Variants in DIP2C observed in about 807,000 individuals in gnomAD.
DIP2C encodes disco-interacting protein 2 homolog C.
DIP2C carries 33 observed loss-of-function variants against 192.4 expected under a neutral mutation model. The ratio of observed to expected loss-of-function variants is 0.17; its 90% confidence interval spans 0.13 to 0.23. The LOEUF (loss-of-function observed/expected upper bound fraction) is 0.23, where lower values mean the gene tolerates loss of function less well. Ranked by LOEUF, DIP2C falls within the 10% of genes least tolerant of loss-of-function variation. The probability of loss-of-function intolerance (pLI) is 1.00; values close to 1 mark genes in which losing one functional copy is unlikely to be tolerated. For synonymous variants in DIP2C, 979 were observed against 864.1 expected, an observed-to-expected ratio of 1.13 and a Z score of -2.33; for missense variants, 1,537 against 2,110.1, an observed-to-expected ratio of 0.73 and a Z score of 5.32.
At chr10:279,768 C>G (rs1954715688) in intron 36 of DIP2C, among the ~76,000 whole-genome samples, 1 of 152,156 alleles carries the variant, frequency 6.6e-6, no homozygotes, top group African/African-American at 2.4e-5. Context: ...GAGCCCCTGA[C>G]CCGGTGAGGG....
chr10:508,970 A>ACC (rs1280724727), intron 1 of DIP2C, among the ~76,000 whole-genome samples: 1 of 152,090 alleles, frequency 6.6e-6, no homozygotes, highest in African/African-American at 2.4e-5. Flanking sequence ...CATCCTGGGC[A>ACC]CCCCTTCACA....
intron 1 of DIP2C, among the ~76,000 whole-genome samples, chr10:619,550 C>CCCG (rs1853729975): frequency 6.7e-6 from 1 of 149,118 alleles, no homozygotes; most frequent in Non-Finnish European, 1.5e-5. Flanking sequence ...CGCCCTCCCA[C>CCCG]CCAGCTCCTC....
rs1218241688 is a variant in DIP2C, at chr10:277,588, G to C, written c.4419-11C>G. 2 of 1,611,928 alleles carry C rather than the reference G, an allele frequency of 1.2e-6. No homozygotes were observed. Among genetic ancestry groups the C allele is most frequent in the Middle Eastern group, 1.6e-4 (1 of 6,072 alleles). Reference sequence around the variant, plus strand: ...CAGGTAAACACAGCACTAAAAGACAGAAAAGAAAGCCATCATTATATGTTT... The same window carrying C: ...CAGGTAAACACAGCACTAAAAGACACAAAAGAAAGCCATCATTATATGTTT... On this transcript the variant is annotated splice_polypyrimidine_tract_variant and intron_variant, in intron 36 of 36. Transcript: ENST00000280886.
chr10:589,553 A>G (rs1006987973), intron 1 of DIP2C, among the ~76,000 whole-genome samples: 4 of 152,166 alleles, frequency 2.6e-5, no homozygotes, highest in African/African-American at 9.7e-5. Context: ...CGATAATTCC[A>G]GCACCATTTG....
chr10:351,392 G>A (rs1958802563), intron 24 of DIP2C, among the ~76,000 whole-genome samples: 1 of 152,288 alleles, frequency 6.6e-6, no homozygotes, highest in African/African-American at 2.4e-5. Context: ...CGAGGTCTGT[G>A]GGGAAAGTAT....
At chr10:581,007 G>GTA (rs1850612283) in intron 1 of DIP2C, among the ~76,000 whole-genome samples, 1 of 152,322 alleles carries the variant, frequency 6.6e-6, no homozygotes, top group Non-Finnish European at 1.5e-5. Flanking sequence ...TTGACTCACA[G>GTA]TATTCTGGCA....
chr10:412,158 T>G lies in DIP2C; in HGVS notation c.1057+1755A>C, dbSNP rs77867868. ...TGTTCAAAGTTCCAGCAGCAGAGAG[T>G]GGCGATCCTTCTGATCGACATCAGA... On this transcript the variant is annotated intron_variant, in intron 8 of 36. Coordinates refer to ENST00000280886, the MANE Select transcript of DIP2C (RefSeq NM_014974.3). Among the ~76,000 whole-genome samples the G allele has an allele frequency of 6.0e-3, 912 of 152,256 alleles. 3 individuals are homozygous for G. The highest frequency in any genetic ancestry group is 0.014 in the East Asian group (71 of 5,180).
At chr10:384,253 C>T in intron 15 of DIP2C, 107 bp from the exon 16 acceptor site, 1 of 1,037,188 alleles carries the variant, frequency 9.6e-7, no homozygotes, top group Non-Finnish European at 1.4e-6. Flanking sequence ...AATCACTGGT[C>T]ACCCAGCCCC....
intron 1 of DIP2C, among the ~76,000 whole-genome samples, chr10:506,153 G>A (rs1845582810): frequency 6.6e-6 from 1 of 152,158 alleles, no homozygotes; most frequent in African/African-American, 2.4e-5. Context: ...CCCTTCGGAA[G>A]ACACATTTAA....
In DIP2C at chr10:414,958, TCTCGAA is replaced by T. The variant is rs371786181; in HGVS notation, c.859+805_859+810del. On this transcript the variant is annotated intron_variant, in intron 7 of 36. Coordinates refer to ENST00000280886, the MANE Select transcript of DIP2C (RefSeq NM_014974.3). ...GGTTTTGCCATATTGCCCAGGCTGG[TCTCGAA>T]CTCCCAGGCTCAAGTGATCTGCCTA... 1.9e-4 allele frequency among the ~76,000 whole-genome samples: 28 copies of T among 144,784 alleles called. No homozygotes were observed. The South Asian group carries it at 2.2e-3, about 12-fold the overall frequency. 95.0% of individuals were successfully genotyped at this position (144,784 alleles called of 152,430 possible).
chr10:673,630 C>T (rs1830749090), intron 1 of DIP2C, among the ~76,000 whole-genome samples: 1 of 152,144 alleles, frequency 6.6e-6, no homozygotes, highest in Non-Finnish European at 1.5e-5. Flanking sequence ...CCATCATGTG[C>T]CCATACTCCT....
At chr10:575,094 T>TA (rs1208116989) in intron 1 of DIP2C, among the ~76,000 whole-genome samples, 2 of 152,056 alleles carry the variant, frequency 1.3e-5, no homozygotes, top group Non-Finnish European at 2.9e-5. Context: ...CAGAAGGAAC[T>TA]AAAGGCTCAC....
intron 1 of DIP2C, among the ~76,000 whole-genome samples, chr10:554,658 G>C (rs1038947350): frequency 6.6e-6 from 1 of 152,222 alleles, no homozygotes; most frequent in Admixed American, 6.5e-5. Flanking sequence ...CAGAGGCAAG[G>C]CTGCCGTGGA....
intron 1 of DIP2C, among the ~76,000 whole-genome samples, chr10:563,735 G>T (rs1276840592): frequency 2.6e-5 from 4 of 152,226 alleles, no homozygotes; most frequent in African/African-American, 9.7e-5. Context: ...GAGGAAGAGA[G>T]ACTTTTAAAG....
At chr10:390,210 C>G in intron 12 of DIP2C, 54 bp downstream of exon 12, 2 of 1,597,046 alleles carry the variant, frequency 1.3e-6, no homozygotes, top group Non-Finnish European at 1.7e-6. Flanking sequence ...CAGAAACACA[C>G]GTTAGTGCCA....
chr10:577,935 G>A (rs941998923), intron 1 of DIP2C, among the ~76,000 whole-genome samples: 4 of 151,916 alleles, frequency 2.6e-5, no homozygotes, highest in Non-Finnish European at 4.4e-5. Context: ...GAGACAGACT[G>A]TCCTTCTGTT....
chr10:591,952 T>TCTCTGA lies in DIP2C; in HGVS notation c.85+97536_85+97541dup, dbSNP rs1207087454. ...AAGTCTCCATGTGCTTTACATCTTGTCTCTGAAGAACGATGCGAGTCTAAG... is the reference window on the plus strand; with the variant it reads ...AAGTCTCCATGTGCTTTACATCTTGTCTCTGACTCTGAAGAACGATGCGAGTCTAAG... On this transcript the variant is annotated intron_variant, in intron 1 of 36. Coordinates refer to ENST00000280886, the MANE Select transcript of DIP2C (RefSeq NM_014974.3). Among the ~76,000 whole-genome samples the TCTCTGA allele has an allele frequency of 2.6e-5, 4 of 152,294 alleles. No individual in the cohort carries two copies. In the South Asian group the frequency reaches 6.2e-4, roughly 24 times the overall value.
chr10:543,093 G>A (rs1487904751), intron 1 of DIP2C, among the ~76,000 whole-genome samples: 2 of 152,168 alleles, frequency 1.3e-5, no homozygotes, highest in South Asian at 2.1e-4. Flanking sequence ...ATGCGGCTCT[G>A]GCAGCTTTGG....
intron 32 of DIP2C, among the ~76,000 whole-genome samples, chr10:308,085 G>A (rs1236330138): frequency 6.6e-6 from 1 of 152,086 alleles, no homozygotes; most frequent in Non-Finnish European, 1.5e-5. Flanking sequence ...CCATCTGGAG[G>A]GCAGCAGGGA....
Sources: allele counts gnomAD v4.1 joint callset (sites outside exome capture counted in the v4.1 genomes callset), GRCh38; gene constraint gnomAD v4.1.1; transcripts MANE v1.5; gene names NCBI Gene and HGNC (gene_info 2026-07-23, HGNC 2026-07-21).